Variants in PDZRN4 observed in about 807,000 individuals in gnomAD.
The protein encoded by PDZRN4 is PDZ domain-containing RING finger protein 4.
In PDZRN4, 70 loss-of-function variants were observed where a neutral mutation model predicts 99.0. The ratio of observed to expected loss-of-function variants is 0.71; its 90% CI spans 0.58 to 0.86. PDZRN4 has a LOEUF of 0.86. Among genes scored for constraint, PDZRN4 ranks in the 40% least tolerant of loss-of-function variants. PDZRN4 has a pLI of 0.00. For synonymous variants in PDZRN4, 551 were observed against 501.6 expected (o/e 1.10, Z -1.32); for missense variants, 1,474 against 1,331.2 (o/e 1.11, Z -1.67).
At chr12:41,469,776 A>C (rs1952967976) in intron 3 of PDZRN4, among the ~76,000 whole-genome samples, 1 of 151,952 alleles carries the variant, frequency 6.6e-6, no homozygotes, top group Non-Finnish European at 1.5e-5. Flanking sequence ...CTAAAAATAC[A>C]AAAATTAGCC....
Position 41,495,823 on chromosome 12 carries a change from CT to C in PDZRN4, c.844-10632del, listed in dbSNP as rs202035354. Among the ~76,000 whole-genome samples, 24 of 152,170 alleles carry C rather than the reference CT, an allele frequency of 1.6e-4. No individual in the cohort carries two copies. The East Asian group carries it at 4.7e-3, about 30-fold the overall frequency. ...CCCCAGAGGACTTACTCTTTCATGC[CT>C]CAACCCTGGGGTTCCTCTCCTTTCT... On this transcript the variant is annotated intron_variant, in intron 3 of 9. Transcript: ENST00000402685.
At chr12:41,525,060 T>C (rs1938547886) in intron 5 of PDZRN4, among the ~76,000 whole-genome samples, 2 of 151,946 alleles carry the variant, frequency 1.3e-5, no homozygotes, top group Admixed American at 6.6e-5. Context: ...GGAGGGAAAG[T>C]GTGGTGTGGG....
At chr12:41,381,523 C>G (rs564576856) in intron 3 of PDZRN4, among the ~76,000 whole-genome samples, 4 of 152,220 alleles carry the variant, frequency 2.6e-5, no homozygotes, top group South Asian at 2.1e-4. Context: ...TCATGGGTCT[C>G]TATTCAAAAT....
At chr12:41,478,545 A>G (rs1304428874) in intron 3 of PDZRN4, among the ~76,000 whole-genome samples, 1 of 152,228 alleles carries the variant, frequency 6.6e-6, no homozygotes, top group Non-Finnish European at 1.5e-5. Context: ...AAAATGTTCA[A>G]AAACATTTTC....
At chr12:41,327,310 A>G (rs1446624339) in intron 3 of PDZRN4, among the ~76,000 whole-genome samples, 1 of 152,124 alleles carries the variant, frequency 6.6e-6, no homozygotes, top group African/African-American at 2.4e-5. Context: ...TTCCTTTTGC[A>G]GTTAATCCAC....
At chr12:41,538,806 C>G (rs1482888262) in intron 5 of PDZRN4, among the ~76,000 whole-genome samples, 3 of 151,878 alleles carry the variant, frequency 2.0e-5, no homozygotes, top group Non-Finnish European at 4.4e-5. Flanking sequence ...CATCATTATA[C>G]AAACATACAA....
chr12:41,433,987 T>C (rs899079838), intron 3 of PDZRN4, among the ~76,000 whole-genome samples: 2 of 152,210 alleles, frequency 1.3e-5, no homozygotes, highest in Admixed American at 1.3e-4. Context: ...CTGGCCATGA[T>C]GAAACTTTCT....
At chr12:41,481,017 C>T (rs983221069) in intron 3 of PDZRN4, among the ~76,000 whole-genome samples, 1 of 150,998 alleles carries the variant, frequency 6.6e-6, no homozygotes, top group Non-Finnish European at 1.5e-5. Context: ...TCTTCATTTT[C>T]CCCCCTCTGT....
intron 5 of PDZRN4, among the ~76,000 whole-genome samples, chr12:41,520,201 A>G (rs1033746521): frequency 1.3e-5 from 2 of 152,158 alleles, no homozygotes; most frequent in African/African-American, 2.4e-5. Context: ...ATATGGTTAC[A>G]GTTTTTCACT....
intron 3 of PDZRN4, among the ~76,000 whole-genome samples, chr12:41,469,923 C>T (rs1020624315): frequency 2.6e-5 from 4 of 151,572 alleles, no homozygotes; most frequent in African/African-American, 9.7e-5. Flanking sequence ...GAGCGAGACT[C>T]CATCTCAAAA....
chr12:41,561,981 T>C (rs1939278593), intron 7 of PDZRN4, among the ~76,000 whole-genome samples: 1 of 152,140 alleles, frequency 6.6e-6, no homozygotes, highest in South Asian at 2.1e-4. Context: ...AGTACACACA[T>C]ACTTTTCCAG....
intron 3 of PDZRN4, among the ~76,000 whole-genome samples, chr12:41,255,079 AG>A (rs1951194963): frequency 6.6e-6 from 1 of 152,176 alleles, no homozygotes; most frequent in Non-Finnish European, 1.5e-5. Flanking sequence ...GAAAAAGAAA[AG>A]AAAACGAAAG....
intron 3 of PDZRN4, among the ~76,000 whole-genome samples, chr12:41,387,454 G>A (rs781353884): frequency 2.0e-5 from 3 of 152,034 alleles, no homozygotes; most frequent in South Asian, 2.1e-4. Flanking sequence ...GGGTGGCAGC[G>A]TGTGCCTGTA....
chr12:41,519,477 C>T (rs1486192521), intron 5 of PDZRN4, among the ~76,000 whole-genome samples: 2 of 152,044 alleles, frequency 1.3e-5, no homozygotes, highest in African/African-American at 4.8e-5. Flanking sequence ...CACAGCCAGG[C>T]CCTATCCCCA....
At chr12:41,428,797 G>T (rs1032673218) in intron 3 of PDZRN4, among the ~76,000 whole-genome samples, 1 of 152,172 alleles carries the variant, frequency 6.6e-6, no homozygotes, top group African/African-American at 2.4e-5. Context: ...GCTCATGAGC[G>T]AATGCAAGAC....
intron 3 of PDZRN4, among the ~76,000 whole-genome samples, chr12:41,234,823 G>A (rs1402051973): frequency 6.6e-6 from 1 of 152,084 alleles, no homozygotes; most frequent in African/African-American, 2.4e-5. Flanking sequence ...TACGACAGAT[G>A]GAGACAGCCT....
intron 5 of PDZRN4, among the ~76,000 whole-genome samples, chr12:41,529,992 G>C (rs558615657): frequency 1.3e-5 from 2 of 152,306 alleles, no homozygotes; most frequent in South Asian, 4.1e-4. Context: ...AGGAGAAGAA[G>C]CAACCTGTGT....
chr12:41,411,777 C>T (rs760333053), intron 3 of PDZRN4: 11 of 152,186 alleles, frequency 7.2e-5, no homozygotes, highest in Non-Finnish European at 1.6e-4. Context: ...AATAGAGCAG[C>T]TATATTCTTC....
intron 3 of PDZRN4, among the ~76,000 whole-genome samples, chr12:41,233,516 T>C (rs1032811548): frequency 2.0e-5 from 3 of 152,058 alleles, no homozygotes; most frequent in Admixed American, 6.6e-5. Flanking sequence ...CTATTCACAA[T>C]AGCAAAGACT....
Sources: allele counts gnomAD v4.1 joint callset (sites outside exome capture counted in the v4.1 genomes callset), GRCh38; gene constraint gnomAD v4.1.1; transcripts MANE v1.5; gene names NCBI Gene and HGNC (gene_info 2026-07-23, HGNC 2026-07-21).